The following CD96 variants were observed in gnomAD, a reference collection of about 807,000 sequenced individuals.
CD96 encodes the protein CD96 molecule.
Under a neutral mutation model 71.3 loss-of-function variants are expected in CD96, and 70 were observed. That is an observed-to-expected ratio of 0.98 (90% CI 0.81 to 1.20). The LOEUF is 1.20. Ranked by LOEUF, CD96 falls within the 50% of genes most tolerant of loss-of-function variation. CD96 has a pLI of 0.00. For missense variants in CD96, 742 were observed against 677.5 expected (o/e 1.10, Z -1.06); for synonymous variants, 248 against 233.0 (o/e 1.06, Z -0.59).
chr3:111,612,394 T>G (rs1293620168), intron 8 of CD96, among the ~76,000 whole-genome samples: 2 of 152,236 alleles, frequency 1.3e-5, no homozygotes, highest in Non-Finnish European at 2.9e-5. Flanking sequence ...TTTCCATTTT[T>G]TCCCTAGCAA....
chr3:111,614,301 G>T (rs543144999), intron 8 of CD96, among the ~76,000 whole-genome samples: 1 of 152,272 alleles, frequency 6.6e-6, no homozygotes, highest in South Asian at 2.1e-4. Context: ...GCTCCTAGCT[G>T]CTGGCTTGGG....
At position 111,623,348 on chromosome 3, in the gene CD96, A is replaced by G. The variant is rs78609891; in HGVS notation, c.1181-406A>G. Among the ~76,000 whole-genome samples, 1,200 of 152,288 alleles carry G rather than the reference A, an allele frequency of 7.9e-3. 19 individuals are homozygous for G. Among genetic ancestry groups the G allele is most frequent in the African/African-American group, 0.027 (1,113 of 41,568 alleles). ...ACAATTGAAGTAAATATGAAACCAT[A>G]TTTAGCATGTGAAGATACGGTTTTC... On this transcript the variant is annotated intron_variant, in intron 8 of 13. Transcript: ENST00000352690.
Position 111,606,718 on chromosome 3 carries a change from C to A in CD96, c.1106C>A (p.Thr369Lys). Reference protein sequence around the residue: ...TFLLGSEISSTDPPLSVTEST... With the variant: ...TFLLGSEISSKDPPLSVTEST... ...CTTTAAGGTTCTGAAATTTCCTCAA[C>A]AGACCCTCCACTGAGTGTTACAGAA... The change falls in exon 8 of 14, where the codon ACA (threonine) becomes AAA (lysine). Residue 369 changes from threonine to lysine, a missense_variant. Transcript: ENST00000352690. The A allele has an allele frequency of 6.3e-7, 1 of 1,589,708 alleles. No individual in the cohort carries two copies. The highest frequency in any genetic ancestry group is 8.6e-7 in the Non-Finnish European group (1 of 1,157,758).
At chr3:111,656,946 T>C (rs902891595), downstream of CD96, among the ~76,000 whole-genome samples, 1 of 151,990 alleles carries the variant, frequency 6.6e-6, no homozygotes, top group African/African-American at 2.4e-5. Context: ...CCTTTCTGTA[T>C]AATTTTGTCT....
chr3:111,593,512 C>A, intron 5 of CD96: 1 of 1,507,540 alleles, frequency 6.6e-7, no homozygotes, highest in South Asian at 1.4e-5. Flanking sequence ...AGTCTAGAGT[C>A]AATGTTTTCA....
chr3:111,544,149 G>A lies in CD96; in HGVS notation c.62-897G>A, dbSNP rs539894170. Among the ~76,000 whole-genome samples, 13 of 151,624 alleles carry A rather than the reference G, an allele frequency of 8.6e-5. No homozygotes were observed. In the South Asian group the frequency reaches 2.5e-3, roughly 29 times the overall value. The stretch of plus-strand genomic sequence containing the variant: ...GGTGTGACTTTTTTTGTTTTGTTTC[G>A]TTTTTCGTTTTTTTGAGATGGAGTC... On this transcript the variant is annotated intron_variant, in intron 1 of 13. Transcript: ENST00000352690.
intron 7 of CD96, among the ~76,000 whole-genome samples, chr3:111,603,039 G>A (rs1196290530): frequency 6.6e-6 from 1 of 152,128 alleles, no homozygotes; most frequent in Non-Finnish European, 1.5e-5. Flanking sequence ...GACAGGGCAT[G>A]GGATTAGGGT....
rs1360025600 is a variant in CD96, at chr3:111,615,209, A to T, written c.1180+8417A>T. ...AGGAAATACAGTGAAAATGAAGCAAACATGATGAGGTGATGGTTAACCCAC... is the reference window on the plus strand; with the variant it reads ...AGGAAATACAGTGAAAATGAAGCAATCATGATGAGGTGATGGTTAACCCAC... On this transcript the variant is annotated intron_variant, in intron 8 of 13. Coordinates refer to ENST00000352690, the MANE Select transcript of CD96 (RefSeq NM_005816.5). Among the ~76,000 whole-genome samples the T allele has an allele frequency of 2.6e-5, 4 of 152,260 alleles. No individual in the cohort carries two copies. In the East Asian group the frequency reaches 7.7e-4, roughly 29 times the overall value.
At chr3:111,562,380 A>T (rs919966214) in intron 2 of CD96, among the ~76,000 whole-genome samples, 31 of 152,120 alleles carry the variant, frequency 2.0e-4, no homozygotes, top group Non-Finnish European at 3.1e-4. Context: ...GACATTAAAA[A>T]ATATATATAT....
At chr3:111,586,838 A>T (rs1333312480) in intron 5 of CD96, among the ~76,000 whole-genome samples, 4 of 152,172 alleles carry the variant, frequency 2.6e-5, no homozygotes, top group African/African-American at 9.7e-5. Flanking sequence ...TGACACAGCC[A>T]AACCATATCA....
At chr3:111,629,647 G>T (rs1346160745) in intron 10 of CD96, among the ~76,000 whole-genome samples, 2 of 152,164 alleles carry the variant, frequency 1.3e-5, no homozygotes, top group Non-Finnish European at 1.5e-5. Context: ...CTTGAACTCA[G>T]CTCTGGATCA....
At chr3:111,645,216 T>C (rs1939773256) in intron 12 of CD96, among the ~76,000 whole-genome samples, 1 of 152,128 alleles carries the variant, frequency 6.6e-6, no homozygotes, top group Non-Finnish European at 1.5e-5. Flanking sequence ...TTAACACATT[T>C]GCAGTGACCT....
chr3:111,598,494 CA>C (rs1267757568), intron 6 of CD96, among the ~76,000 whole-genome samples: 1 of 152,288 alleles, frequency 6.6e-6, no homozygotes, highest in African/African-American at 2.4e-5. Flanking sequence ...TAAATGAGGA[CA>C]AAAAGTTTAA....
At chr3:111,647,424 G>A in intron 12 of CD96, 119 bp from the exon 13 acceptor site, 1 of 915,370 alleles carries the variant, frequency 1.1e-6, no homozygotes, top group Non-Finnish European at 1.8e-6. Flanking sequence ...CCCACCTCCA[G>A]AGTATGATCA....
At chr3:111,573,427 G>T (rs1372672633) in intron 3 of CD96, among the ~76,000 whole-genome samples, 1 of 152,072 alleles carries the variant, frequency 6.6e-6, no homozygotes, top group Non-Finnish European at 1.5e-5. Context: ...GTTCAATTCC[G>T]ACTAGATGAA....
chr3:111,572,725 C>T (rs749956469), intron 3 of CD96, among the ~76,000 whole-genome samples: 4 of 152,198 alleles, frequency 2.6e-5, no homozygotes, highest in Non-Finnish European at 5.9e-5. Flanking sequence ...TTATCTAAGT[C>T]ACTGAAAAAC....
chr3:111,643,650 G>A (rs1020494364), intron 12 of CD96, among the ~76,000 whole-genome samples: 9 of 149,794 alleles, frequency 6.0e-5, no homozygotes, highest in Non-Finnish European at 1.0e-4. Flanking sequence ...CAAGATTAAT[G>A]TACACAAATC....
In CD96 at chr3:111,651,047, T is replaced by C. The variant is rs1376556163; in HGVS notation, c.*1241T>C. On this transcript the variant is annotated 3_prime_UTR_variant, in exon 14 of 14. Transcript: ENST00000352690. ...TGTGCAGAGTTATTTGGAGATTATG[T>C]CTTTTTCTTAAACACCATGGCTGTC... The C allele has an allele frequency of 1.3e-5, 2 of 152,392 alleles. No individual in the cohort carries two copies. Among genetic ancestry groups the C allele is most frequent in the East Asian group, 3.8e-4 (2 of 5,196 alleles). 9.4% of individuals were successfully genotyped at this position (152,392 alleles called of 1,614,324 possible).
chr3:111,566,724 T>A (rs1242122244), intron 2 of CD96, among the ~76,000 whole-genome samples: 1 of 152,196 alleles, frequency 6.6e-6, no homozygotes, highest in Admixed American at 6.5e-5. Flanking sequence ...TATCTTCTAT[T>A]ACCTTAAAAA....
Sources: allele counts gnomAD v4.1 joint callset (sites outside exome capture counted in the v4.1 genomes callset), GRCh38; gene constraint gnomAD v4.1.1; transcripts MANE v1.5; gene names NCBI Gene and HGNC (gene_info 2026-07-23, HGNC 2026-07-21).